Variants in PCCB observed in about 807,000 individuals in gnomAD.
PCCB encodes the protein propionyl-CoA carboxylase beta chain, mitochondrial.
Under a neutral mutation model 60.7 loss-of-function variants are expected in PCCB, and 43 were observed. The ratio of observed to expected loss-of-function variants is 0.71; its 90% CI spans 0.55 to 0.91. PCCB has a LOEUF of 0.91. PCCB is among the 40% of genes least tolerant of loss of function. PCCB has a pLI of 0.00. For synonymous variants in PCCB, 276 were observed against 255.9 expected (o/e 1.08, Z -0.75); for missense variants, 766 against 702.8 (o/e 1.09, Z -1.02).
chr3:136,329,275 G>T (rs889439278), intron 14 of PCCB, among the ~76,000 whole-genome samples: 1 of 152,144 alleles, frequency 6.6e-6, no homozygotes, highest in Non-Finnish European at 1.5e-5. Flanking sequence ...TGGCTTGACC[G>T]GGGCTTGACA....
intron 9 of PCCB, among the ~76,000 whole-genome samples, chr3:136,301,398 G>C (rs1264758859): frequency 1.3e-5 from 2 of 152,084 alleles, no homozygotes; most frequent in African/African-American, 4.8e-5. Flanking sequence ...TCATAAATTA[G>C]GGGCCATGTC....
At chr3:136,258,569 C>A (rs146457335) in intron 3 of PCCB, among the ~76,000 whole-genome samples, 97 of 152,152 alleles carry the variant, frequency 6.4e-4, no homozygotes, top group Non-Finnish European at 1.3e-3. Context: ...TTCTGGGGAG[C>A]CTCCTCAGTC....
chr3:136,275,758 GTATT>G (rs1178368856), intron 5 of PCCB, among the ~76,000 whole-genome samples: 9 of 151,716 alleles, frequency 5.9e-5, no homozygotes, highest in African/African-American at 1.5e-4. Flanking sequence ...GATGCTGGTT[GTATT>G]TATTTATTTA....
At chr3:136,301,210 A>G (rs563745686) in intron 9 of PCCB, 99 bp downstream of exon 9, 4 of 909,518 alleles carry the variant, frequency 4.4e-6, no homozygotes, top group South Asian at 1.3e-5. Flanking sequence ...CTTGGCCTCC[A>G]TGTCAGACAG....
chr3:136,290,590 G>A (rs1294746986), intron 6 of PCCB, among the ~76,000 whole-genome samples: 1 of 148,946 alleles, frequency 6.7e-6, no homozygotes, highest in African/African-American at 2.5e-5. Flanking sequence ...AAACTCCTGG[G>A]CTCACATGGT....
chr3:136,301,654 T>C (rs1412012158), intron 9 of PCCB, among the ~76,000 whole-genome samples: 1 of 152,060 alleles, frequency 6.6e-6, no homozygotes, highest in Non-Finnish European at 1.5e-5. Flanking sequence ...GGCCAATGCC[T>C]TCCTTAAGGG....
In PCCB at chr3:136,293,801, G is replaced by C; in HGVS notation, c.700G>C (p.Val234Leu). Residue 234 changes from valine (V) to leucine (L), a missense_variant, in exon 7 of 15, where the codon GTC becomes CTC. Transcript: ENST00000251654. ...CACTGGCCCTGATGTTGTGAAGTCT[G>C]TCACCAATGAGGATGTTACCCAGGA... ...FITGPDVVKS[V>L]TNEDVTQEEL... is the part of the protein sequence containing the mutation. The C allele has an allele frequency of 6.2e-7, 1 of 1,613,638 alleles. No individual in the cohort carries two copies. The highest frequency in any genetic ancestry group is 8.5e-7 in the Non-Finnish European group (1 of 1,179,620).
At chr3:136,281,218 C>T (rs1017164050) in intron 5 of PCCB, among the ~76,000 whole-genome samples, 3 of 151,720 alleles carry the variant, frequency 2.0e-5, no homozygotes, top group Admixed American at 6.6e-5. Context: ...ATCTTTGACC[C>T]TTTCTTTCTG....
intron 1 of PCCB, chr3:136,255,532 C>T (rs1400905168): frequency 2.7e-6 from 1 of 367,662 alleles, no homozygotes; most frequent in Non-Finnish European, 5.2e-6. Flanking sequence ...CTTAGGTCTC[C>T]AGTAAGTATT....
chr3:136,272,831 C>G (rs985020229), intron 5 of PCCB, among the ~76,000 whole-genome samples: 4 of 151,992 alleles, frequency 2.6e-5, no homozygotes, highest in Admixed American at 1.3e-4. Flanking sequence ...TTTAGTTCTG[C>G]TCTGATCTTT....
At chr3:136,283,386 G>C (rs1349057983) in intron 5 of PCCB, among the ~76,000 whole-genome samples, 1 of 152,148 alleles carries the variant, frequency 6.6e-6, no homozygotes, top group Non-Finnish European at 1.5e-5. Flanking sequence ...TTGTACCCTT[G>C]CGTGCCTTCT....
Position 136,293,782 on chromosome 3 carries a change from C to T in PCCB, c.681C>T (p.Gly227=), listed in dbSNP as rs1933809694. The change falls in exon 7 of 15, where the codon GGC becomes GGT. Residue 227 remains glycine, a synonymous_variant. Transcript: ENST00000251654. ...ACACCTCCTACCTGTTCATCACTGG[C>T]CCTGATGTTGTGAAGTCTGTCACCA... The part of the protein sequence containing the change: ...VKDTSYLFIT[G]PDVVKSVTNE... The T allele has an allele frequency of 6.2e-7, 1 of 1,612,572 alleles. No homozygotes were observed. The highest frequency in any genetic ancestry group is 8.5e-7 in the Non-Finnish European group (1 of 1,178,684).
intron 13 of PCCB, among the ~76,000 whole-genome samples, chr3:136,328,402 T>C (rs981074528): frequency 6.6e-6 from 1 of 152,226 alleles, no homozygotes; most frequent in Non-Finnish European, 1.5e-5. Context: ...TTCCCCTTGA[T>C]ACAAGACCAT....
At chr3:136,264,440 G>GTATATATATATATATA (rs370057075) in intron 5 of PCCB, among the ~76,000 whole-genome samples, 4 of 123,782 alleles carry the variant, frequency 3.2e-5, no homozygotes, top group African/African-American at 1.2e-4. Flanking sequence ...ATGTGTGTGT[G>GTATATATATATATATA]TATATATGTA....
chr3:136,326,552 C>G (rs959419791), intron 10 of PCCB, among the ~76,000 whole-genome samples: 1 of 152,220 alleles, frequency 6.6e-6, no homozygotes, highest in Non-Finnish European at 1.5e-5. Flanking sequence ...TCTCAGCTGG[C>G]GGCAGCCCTT....
At chr3:136,264,874 CAAAAA>C (rs1167305370) in intron 5 of PCCB, among the ~76,000 whole-genome samples, 17 of 76,632 alleles carry the variant, frequency 2.2e-4, no homozygotes, top group African/African-American at 8.6e-4. Context: ...GACTCCGTCT[CAAAAA>C]AAAAAAAAAA....
chr3:136,317,282 T>C (rs1032368379), intron 10 of PCCB, among the ~76,000 whole-genome samples: 6 of 136,490 alleles, frequency 4.4e-5, no homozygotes, highest in African/African-American at 1.3e-4. Flanking sequence ...AGTGCAGTGG[T>C]GTGATCTCAG....
intron 5 of PCCB, among the ~76,000 whole-genome samples, chr3:136,279,347 G>T (rs150905706): frequency 6.6e-5 from 10 of 152,278 alleles, no homozygotes; most frequent in South Asian, 2.1e-4. Flanking sequence ...ATGTGTTTTG[G>T]TTTTTTATGC....
At chr3:136,270,585 A>G (rs1177749518) in intron 5 of PCCB, among the ~76,000 whole-genome samples, 1 of 151,974 alleles carries the variant, frequency 6.6e-6, no homozygotes, top group African/African-American at 2.4e-5. Context: ...GGCTCACTGC[A>G]GTCTCCACCT....
Sources: allele counts gnomAD v4.1 joint callset (sites outside exome capture counted in the v4.1 genomes callset), GRCh38; gene constraint gnomAD v4.1.1; transcripts MANE v1.5; gene names NCBI Gene and HGNC (gene_info 2026-07-23, HGNC 2026-07-21).